NKAIN2: variants seen among roughly 807,000 people sequenced by gnomAD.
NKAIN2 encodes the protein sodium/potassium transporting ATPase interacting 2, also known as sodium/potassium-transporting ATPase subunit beta-1-interacting protein 2.
A neutral mutation model predicts 32.6 loss-of-function variants in NKAIN2; 14 were observed. The observed-to-expected ratio is 0.43, with a 90% CI of 0.28 to 0.67. The LOEUF is 0.67. NKAIN2 is among the 30% of genes least tolerant of loss of function. NKAIN2 has a pLI of 0.17. For missense variants in NKAIN2, 198 were observed against 258.3 expected (o/e 0.77, Z 1.60); for synonymous variants, 80 against 87.2 (o/e 0.92, Z 0.46).
chr6:124,493,950 T>C (rs1777970410), intron 3 of NKAIN2, among the ~76,000 whole-genome samples: 1 of 152,040 alleles, frequency 6.6e-6, no homozygotes, highest in Admixed American at 6.6e-5. Flanking sequence ...TCCCCATTTC[T>C]ATAATTTTTC....
At chr6:124,624,312 A>C (rs181941748) in intron 3 of NKAIN2, among the ~76,000 whole-genome samples, 1 of 152,294 alleles carries the variant, frequency 6.6e-6, no homozygotes, top group Non-Finnish European at 1.5e-5. Flanking sequence ...TGTCCACTCT[A>C]GAAGAATAAG....
At chr6:124,638,308 T>C (rs1226393057) in intron 3 of NKAIN2, among the ~76,000 whole-genome samples, 2 of 152,110 alleles carry the variant, frequency 1.3e-5, no homozygotes, top group African/African-American at 4.8e-5. Context: ...ACTATAAAAC[T>C]ATTAGAAAAA....
chr6:124,039,576 A>G (rs1781772000), intron 1 of NKAIN2, among the ~76,000 whole-genome samples: 1 of 151,822 alleles, frequency 6.6e-6, no homozygotes, highest in South Asian at 2.1e-4. Flanking sequence ...TCGTTTACTT[A>G]TTTATTCAGT....
chr6:124,480,874 T>A (rs1486971088), intron 3 of NKAIN2, among the ~76,000 whole-genome samples: 1 of 152,108 alleles, frequency 6.6e-6, no homozygotes. Flanking sequence ...GAATGACGCT[T>A]TACATTCCTT....
At chr6:124,805,068 C>A (rs1485355655) in intron 5 of NKAIN2, among the ~76,000 whole-genome samples, 2 of 152,186 alleles carry the variant, frequency 1.3e-5, no homozygotes, top group Non-Finnish European at 2.9e-5. Flanking sequence ...GGGGGCAGGG[C>A]ACAGACAAAA....
chr6:124,145,548 C>G (rs959382349), intron 1 of NKAIN2, among the ~76,000 whole-genome samples: 50 of 151,970 alleles, frequency 3.3e-4, no homozygotes, highest in Non-Finnish European at 6.5e-4. Context: ...CTCTGTCACC[C>G]AGGCTGGAGT....
At chr6:124,130,366 TC>T (rs1457002610) in intron 1 of NKAIN2, among the ~76,000 whole-genome samples, 2 of 152,162 alleles carry the variant, frequency 1.3e-5, no homozygotes, top group Non-Finnish European at 2.9e-5. Context: ...TATCAATAAT[TC>T]CTGTTGCGTC....
chr6:124,040,198 C>T (rs574876104), intron 1 of NKAIN2, among the ~76,000 whole-genome samples: 27 of 151,870 alleles, frequency 1.8e-4, no homozygotes, highest in African/African-American at 6.3e-4. Flanking sequence ...TATTTTCATA[C>T]GTTGTGCAAT....
intron 3 of NKAIN2, among the ~76,000 whole-genome samples, chr6:124,608,050 AAC>A (rs1782561029): frequency 6.6e-6 from 1 of 152,190 alleles, no homozygotes; most frequent in Non-Finnish European, 1.5e-5. Flanking sequence ...ATTGAGCTAT[AAC>A]CCCATCATAA....
At chr6:124,791,283 G>T in intron 4 of NKAIN2, 56 bp from the exon 5 acceptor site, 1 of 1,333,284 alleles carries the variant, frequency 7.5e-7, no homozygotes, top group South Asian at 1.2e-5. Context: ...ACTCTCCAGT[G>T]AGGTCTGGTG....
chr6:124,214,411 C>T (rs1791357172), intron 1 of NKAIN2, among the ~76,000 whole-genome samples: 1 of 152,122 alleles, frequency 6.6e-6, no homozygotes, highest in Non-Finnish European at 1.5e-5. Context: ...GTAATAATAG[C>T]TGTGTTTAAC....
chr6:124,802,671 T>C (rs1304732571), intron 5 of NKAIN2, among the ~76,000 whole-genome samples: 1 of 152,196 alleles, frequency 6.6e-6, no homozygotes, highest in African/African-American at 2.4e-5. Context: ...TCATCGTGGA[T>C]CACCTTCATT....
At chr6:123,962,551 C>A (rs558139407) in intron 1 of NKAIN2, among the ~76,000 whole-genome samples, 1 of 152,280 alleles carries the variant, frequency 6.6e-6, no homozygotes, top group East Asian at 1.9e-4. Flanking sequence ...TACTGTTTCT[C>A]CTTACTTCAC....
intron 3 of NKAIN2, among the ~76,000 whole-genome samples, chr6:124,402,138 C>T (rs1469147973): frequency 6.6e-6 from 1 of 151,970 alleles, no homozygotes; most frequent in Non-Finnish European, 1.5e-5. Flanking sequence ...GCTAAATGTC[C>T]TACAATGAAC....
chr6:123,874,997 A>G (rs1245536353), intron 1 of NKAIN2, among the ~76,000 whole-genome samples: 1 of 152,038 alleles, frequency 6.6e-6, no homozygotes, highest in Non-Finnish European at 1.5e-5. Context: ...ATTTGAGCTC[A>G]TACTGTTTGT....
At chr6:124,372,320 T>G (rs906705263) in intron 3 of NKAIN2, among the ~76,000 whole-genome samples, 7 of 152,086 alleles carry the variant, frequency 4.6e-5, no homozygotes, top group Admixed American at 2.6e-4. Flanking sequence ...AAAACAATAT[T>G]TTGAGTGGGA....
At chr6:124,159,700 A>C (rs766760506) in intron 1 of NKAIN2, among the ~76,000 whole-genome samples, 7 of 152,160 alleles carry the variant, frequency 4.6e-5, no homozygotes, top group African/African-American at 7.2e-5. Flanking sequence ...GAATAGTGGA[A>C]TCATCAAAAA....
At chr6:123,873,713 A>G (rs1452084224) in intron 1 of NKAIN2, among the ~76,000 whole-genome samples, 1 of 152,180 alleles carries the variant, frequency 6.6e-6, no homozygotes, top group Non-Finnish European at 1.5e-5. Context: ...CTGAGGAAAG[A>G]GTGAACTCAC....
At chr6:124,739,081 A>C (rs1343810741) in intron 4 of NKAIN2, among the ~76,000 whole-genome samples, 1 of 126,422 alleles carries the variant, frequency 7.9e-6, no homozygotes, top group Non-Finnish European at 1.7e-5. Context: ...AAGCAAACAA[A>C]ATAGTTAAGC....
Sources: gnomAD v4.1 joint callset for allele counts (sites outside exome capture counted in the v4.1 genomes callset) on GRCh38, gnomAD v4.1.1 for gene constraint, MANE v1.5 for transcripts, NCBI Gene and HGNC (gene_info 2026-07-23, HGNC 2026-07-21) for gene names.